CCSER1: variants seen among roughly 807,000 people sequenced by gnomAD.
The protein encoded by CCSER1 is serine-rich coiled-coil domain-containing protein 1.
Under a neutral mutation model 82.0 loss-of-function variants are expected in CCSER1, and 41 were observed. That is an observed-to-expected ratio of 0.50 (90% CI 0.39 to 0.65). The LOEUF (loss-of-function observed/expected upper bound fraction) is 0.65, where lower values mean the gene tolerates loss of function less well. CCSER1 is among the 30% of genes least tolerant of loss of function. CCSER1 has a pLI of 0.00. For synonymous variants in CCSER1, 414 were observed against 383.9 expected (o/e 1.08, Z -0.92); for missense variants, 1,119 against 1,064.2 (o/e 1.05, Z -0.72).
chr4:91,591,093 G>A (rs1321034064), intron 10 of CCSER1, among the ~76,000 whole-genome samples: 2 of 152,082 alleles, frequency 1.3e-5, no homozygotes, highest in Non-Finnish European at 2.9e-5. Context: ...ACAACTGGGT[G>A]ACAGAGAGGT....
chr4:90,739,966 CT>C (rs892225435), intron 7 of CCSER1, among the ~76,000 whole-genome samples: 6 of 152,082 alleles, frequency 3.9e-5, no homozygotes, highest in Non-Finnish European at 5.9e-5. Context: ...TATGAAGGTG[CT>C]TTTTTGTGTG....
intron 10 of CCSER1, among the ~76,000 whole-genome samples, chr4:91,512,299 G>T (rs1452368884): frequency 6.6e-6 from 1 of 152,208 alleles, no homozygotes; most frequent in Non-Finnish European, 1.5e-5. Flanking sequence ...GCAGGCAGAA[G>T]TTGGAAGGAC....
Position 90,873,271 on chromosome 4 carries a change from T to C in CCSER1, c.2095-50099T>C, listed in dbSNP as rs1431152597. On this transcript the variant is annotated intron_variant, in intron 8 of 10. Transcript: ENST00000509176. ...CAGACTGCTTCATTCTTTTTAATTC[T>C]TTTTTCTTTTGCCTCCTCTGACTGT... 2.0e-5 allele frequency among the ~76,000 whole-genome samples: 3 copies of C among 152,226 alleles called. No individual in the cohort carries two copies. In the East Asian group the frequency reaches 5.8e-4, roughly 29 times the overall value.
intron 9 of CCSER1, among the ~76,000 whole-genome samples, chr4:91,055,398 T>C (rs1743357927): frequency 6.6e-6 from 1 of 152,200 alleles, no homozygotes; most frequent in African/African-American, 2.4e-5. Context: ...TTATGTAGGA[T>C]AATTTTTCCA....
intron 5 of CCSER1, among the ~76,000 whole-genome samples, chr4:90,518,426 G>A (rs753634120): frequency 2.0e-5 from 3 of 151,966 alleles, no homozygotes; most frequent in Non-Finnish European, 4.4e-5. Context: ...TTTCTACTAG[G>A]ATATTAACAA....
chr4:91,422,627 C>T (rs993741278), intron 10 of CCSER1, among the ~76,000 whole-genome samples: 1 of 151,930 alleles, frequency 6.6e-6, no homozygotes, highest in African/African-American at 2.4e-5. Flanking sequence ...TCAAGTAATT[C>T]TTAGGTGATT....
chr4:91,433,087 A>G (rs1754424247), intron 10 of CCSER1, among the ~76,000 whole-genome samples: 1 of 152,068 alleles, frequency 6.6e-6, no homozygotes, highest in South Asian at 2.1e-4. Context: ...ACATTAATTT[A>G]CTCTTTATTA....
chr4:91,380,981 G>C (rs969190456), intron 10 of CCSER1, among the ~76,000 whole-genome samples: 3 of 152,068 alleles, frequency 2.0e-5, no homozygotes, highest in Non-Finnish European at 4.4e-5. Flanking sequence ...GTCTATAAAG[G>C]ATTTTATTTC....
Position 90,544,041 on chromosome 4 carries a change from T to C in CCSER1, c.1724+75687T>C, listed in dbSNP as rs1470641444. ...AGTAAAAGCAGCAGTCGAAGTAACA[T>C]TGTAATGCTGTTCCCTGAGCCCCAA... On this transcript the variant is annotated intron_variant, in intron 5 of 10. Coordinates refer to ENST00000509176, the MANE Select transcript of CCSER1 (RefSeq NM_001145065.2). Among the ~76,000 whole-genome samples, 3 of 152,144 alleles carry C rather than the reference T, an allele frequency of 2.0e-5. No individual in the cohort carries two copies. In the East Asian group the frequency reaches 5.8e-4, roughly 29 times the overall value.
At chr4:91,145,067 T>A (rs1057476041) in intron 10 of CCSER1, among the ~76,000 whole-genome samples, 4 of 152,092 alleles carry the variant, frequency 2.6e-5, no homozygotes, top group African/African-American at 9.6e-5. Context: ...TGTCAAAATA[T>A]CCCCTATTAT....
intron 5 of CCSER1, among the ~76,000 whole-genome samples, chr4:90,546,544 G>T (rs910184158): frequency 6.6e-6 from 1 of 152,154 alleles, no homozygotes; most frequent in East Asian, 1.9e-4. Context: ...TATGCTAATG[G>T]TGTATGTATA....
At chr4:90,963,628 A>G (rs1292929513) in intron 9 of CCSER1, among the ~76,000 whole-genome samples, 4 of 152,088 alleles carry the variant, frequency 2.6e-5, no homozygotes, top group African/African-American at 7.2e-5. Context: ...TTGAGGGCAC[A>G]GTGAGAAGGC....
chr4:90,784,812 G>A (rs1754252315), intron 7 of CCSER1, among the ~76,000 whole-genome samples: 1 of 152,068 alleles, frequency 6.6e-6, no homozygotes, highest in Non-Finnish European at 1.5e-5. Context: ...CATGTATTTT[G>A]TTTATGTATT....
chr4:91,009,554 G>A (rs887862357), intron 9 of CCSER1, among the ~76,000 whole-genome samples: 2 of 151,984 alleles, frequency 1.3e-5, no homozygotes, highest in African/African-American at 4.8e-5. Context: ...TTGTTTTCTG[G>A]TTGGTTTGTT....
chr4:91,525,026 A>G lies in CCSER1; in HGVS notation c.2218-73546A>G, dbSNP rs1760701383. 2.6e-5 allele frequency among the ~76,000 whole-genome samples: 4 copies of G among 152,280 alleles called. No individual in the cohort carries two copies. The South Asian group carries it at 8.3e-4, about 32-fold the overall frequency. On this transcript the variant is annotated intron_variant, in intron 10 of 10. Transcript: ENST00000509176. ...TGCAGAACCTGGAGAGTGGATCAAA[A>G]GAGAAAGAAGGAATGGGGAATTTTA...
At chr4:90,912,226 T>C (rs192052928) in intron 8 of CCSER1, among the ~76,000 whole-genome samples, 6 of 152,246 alleles carry the variant, frequency 3.9e-5, no homozygotes, top group Admixed American at 3.9e-4. Context: ...GGGAGGCTAA[T>C]TATGTGTCTG....
intron 8 of CCSER1, among the ~76,000 whole-genome samples, chr4:90,820,686 T>C (rs1759616596): frequency 6.6e-6 from 1 of 151,738 alleles, no homozygotes; most frequent in Non-Finnish European, 1.5e-5. Context: ...TATTTATCAA[T>C]AGTGAATTTG....
chr4:90,537,237 T>G (rs1775520681), intron 5 of CCSER1, among the ~76,000 whole-genome samples: 1 of 152,196 alleles, frequency 6.6e-6, no homozygotes. Flanking sequence ...TACATCAAGT[T>G]AATATTTTAT....
At chr4:90,293,018 A>C (rs1034860375) in intron 1 of CCSER1, among the ~76,000 whole-genome samples, 19 of 151,810 alleles carry the variant, frequency 1.3e-4, no homozygotes, top group African/African-American at 4.3e-4. Flanking sequence ...TTTCTTCTTT[A>C]CGTTCGTATC....
Sources: gnomAD v4.1 joint callset for allele counts (sites outside exome capture counted in the v4.1 genomes callset) on GRCh38, gnomAD v4.1.1 for gene constraint, MANE v1.5 for transcripts, NCBI Gene and HGNC (gene_info 2026-07-23, HGNC 2026-07-21) for gene names.